BANK1: variants seen among roughly 807,000 people sequenced by gnomAD.
BANK1 encodes B-cell scaffold protein with ankyrin repeats.
A neutral mutation model predicts 94.5 loss-of-function variants in BANK1; 95 were observed. The observed-to-expected ratio is 1.00, with a 90% CI of 0.85 to 1.19. The LOEUF is 1.19. BANK1 is among the 50% of genes most tolerant of loss of function. The pLI, the probability that BANK1 is intolerant of heterozygous loss-of-function variation, is 0.00. For missense variants in BANK1, 987 were observed against 932.2 expected (o/e 1.06, Z -0.77); for synonymous variants, 334 against 308.4 (o/e 1.08, Z -0.87).
intron 6 of BANK1, among the ~76,000 whole-genome samples, chr4:101,915,920 G>T (rs1237436850): frequency 6.6e-6 from 1 of 151,980 alleles, no homozygotes; most frequent in Non-Finnish European, 1.5e-5. Flanking sequence ...CTGTCAGAGA[G>T]CAAAAGGTTT....
At chr4:102,065,953 G>GTAAT (rs1357526422) in intron 13 of BANK1, among the ~76,000 whole-genome samples, 1 of 152,046 alleles carries the variant, frequency 6.6e-6, no homozygotes, top group African/African-American at 2.4e-5. Context: ...TAAAATGCAT[G>GTAAT]TAATTAGAAC....
intron 6 of BANK1, among the ~76,000 whole-genome samples, chr4:101,903,854 G>A (rs1434468145): frequency 6.6e-6 from 1 of 152,198 alleles, no homozygotes; most frequent in East Asian, 1.9e-4. Flanking sequence ...GTAAGGAGTA[G>A]CAGTCTCAAT....
intron 5 of BANK1, among the ~76,000 whole-genome samples, chr4:101,883,557 C>A (rs1728749838): frequency 6.6e-6 from 1 of 151,760 alleles, no homozygotes; most frequent in African/African-American, 2.4e-5. Context: ...TTTATTTATC[C>A]CAAACTAAAG....
intron 7 of BANK1, among the ~76,000 whole-genome samples, chr4:101,936,192 T>C (rs1413755680): frequency 6.8e-6 from 1 of 147,358 alleles, no homozygotes; most frequent in African/African-American, 2.5e-5. Flanking sequence ...ATATGATATA[T>C]ATATTTTTTA....
intron 7 of BANK1, among the ~76,000 whole-genome samples, chr4:101,964,755 A>G (rs183598219): frequency 1.3e-5 from 2 of 152,054 alleles, no homozygotes; most frequent in African/African-American, 4.8e-5. Flanking sequence ...AATTAAAGAG[A>G]AGTATTCTTT....
Position 102,025,184 on chromosome 4 carries a change from A to AT in BANK1, c.1286-16dup, listed in dbSNP as rs749341429. 6.2e-7 allele frequency: 1 copy of AT among 1,609,864 alleles called. No individual in the cohort carries two copies. The highest frequency in any genetic ancestry group is 1.7e-5 in the Admixed American group (1 of 59,844). On this transcript the variant is annotated splice_polypyrimidine_tract_variant and intron_variant, in intron 8 of 16. Coordinates refer to ENST00000322953, the MANE Select transcript of BANK1 (RefSeq NM_017935.5). Reference sequence around the variant, plus strand: ...TGGTGTGTTTAAATGAAATCATGCAATCTTCATCATAAACAGCCACACAGA... The same window carrying AT: ...TGGTGTGTTTAAATGAAATCATGCAATTCTTCATCATAAACAGCCACACAGA...
At chr4:101,911,942 C>A (rs1444080169) in intron 6 of BANK1, among the ~76,000 whole-genome samples, 4 of 152,056 alleles carry the variant, frequency 2.6e-5, no homozygotes, top group African/African-American at 9.7e-5. Flanking sequence ...GGAAAAGAAA[C>A]ATAAATAGTA....
intron 7 of BANK1, among the ~76,000 whole-genome samples, chr4:101,943,678 C>T (rs1367372924): frequency 6.6e-6 from 1 of 151,654 alleles, no homozygotes; most frequent in Non-Finnish European, 1.5e-5. Context: ...TTCTGGGCTG[C>T]AAGTAGAGGT....
chr4:101,817,692 T>C (rs985918745), intron 1 of BANK1, among the ~76,000 whole-genome samples: 8 of 137,470 alleles, frequency 5.8e-5, no homozygotes, highest in Non-Finnish European at 1.3e-4. Flanking sequence ...AACTTAAAAG[T>C]TGGAAATAAA....
intron 7 of BANK1, among the ~76,000 whole-genome samples, chr4:101,926,265 TCAA>T (rs2148903372): frequency 6.6e-6 from 1 of 151,636 alleles, no homozygotes; most frequent in East Asian, 1.9e-4. Flanking sequence ...GCTCTGAGCC[TCAA>T]CAATATATTT....
At chr4:101,865,513 C>G (rs1006272734) in intron 4 of BANK1, among the ~76,000 whole-genome samples, 2 of 152,022 alleles carry the variant, frequency 1.3e-5, no homozygotes, top group Non-Finnish European at 2.9e-5. Context: ...AGCATGTTCT[C>G]CATAGCACAG....
intron 7 of BANK1, among the ~76,000 whole-genome samples, chr4:101,928,546 GT>G (rs1723237956): frequency 6.6e-6 from 1 of 151,704 alleles, no homozygotes; most frequent in African/African-American, 2.4e-5. Context: ...CTTTGTTAGT[GT>G]TTAATTTTCT....
In BANK1 at chr4:102,063,143, G is replaced by A. The variant is rs1337273644; in HGVS notation, c.2212+5G>A. On this transcript the variant is annotated splice_donor_5th_base_variant and intron_variant, in intron 13 of 16. Transcript: ENST00000322953. ...CAGAAGAAGAAAATGTCTATAGTAA[G>A]TAAGATTCGCCTGCTATTCAAAAAT... 1 of 1,609,124 alleles carries A rather than the reference G, an allele frequency of 6.2e-7. No individual in the cohort carries two copies. The highest frequency in any genetic ancestry group is 8.5e-7 in the Non-Finnish European group (1 of 1,175,704).
At chr4:101,940,252 A>G (rs971960246) in intron 7 of BANK1, among the ~76,000 whole-genome samples, 1 of 151,272 alleles carries the variant, frequency 6.6e-6, no homozygotes, top group Non-Finnish European at 1.5e-5. Context: ...CTAAGCAGGA[A>G]AAAAAAAACA....
chr4:101,862,201 A>G (rs886811676), intron 3 of BANK1, among the ~76,000 whole-genome samples: 5 of 152,102 alleles, frequency 3.3e-5, no homozygotes, highest in Non-Finnish European at 7.4e-5. Flanking sequence ...CTGCGAAATG[A>G]TGCTTATACC....
chr4:101,870,641 C>T lies in BANK1; in HGVS notation c.900C>T (p.Cys300=), dbSNP rs767686844. The T allele has an allele frequency of 1.2e-6, 2 of 1,608,216 alleles. No homozygotes were observed. The highest frequency in any genetic ancestry group is 1.7e-5 in the Admixed American group (1 of 58,852). The change falls in exon 5 of 17, where the codon TGC becomes TGT. Residue 300 remains cysteine (C), a synonymous_variant. Coordinates refer to ENST00000322953, the MANE Select transcript of BANK1 (RefSeq NM_017935.5). ...TGGCAGATTCAGGAGAGAGTTTGTG[C>T]CAGGTAAGTTAATCTTTCCACGAAG... The part of the protein sequence containing the change: ...FRMADSGESL[C]QNSIEELDGV...
At chr4:101,837,450 G>A (rs539484140) in intron 2 of BANK1, among the ~76,000 whole-genome samples, 1 of 152,216 alleles carries the variant, frequency 6.6e-6, no homozygotes, top group African/African-American at 2.4e-5. Context: ...ATTGAGTTCA[G>A]GTATCTGATA....
chr4:102,013,864 A>G (rs772879084), intron 7 of BANK1, among the ~76,000 whole-genome samples: 1 of 152,064 alleles, frequency 6.6e-6, no homozygotes, highest in Admixed American at 6.6e-5. Context: ...TTTTTAACAA[A>G]ACGACAATTT....
intron 1 of BANK1, among the ~76,000 whole-genome samples, chr4:101,827,605 C>T (rs755018557): frequency 4.0e-5 from 6 of 151,838 alleles, no homozygotes; most frequent in South Asian, 2.1e-4. Flanking sequence ...TCTATATGTA[C>T]GTGTATTCAA....
Sources: gnomAD v4.1 joint callset for allele counts (sites outside exome capture counted in the v4.1 genomes callset) on GRCh38, gnomAD v4.1.1 for gene constraint, MANE v1.5 for transcripts, NCBI Gene and HGNC (gene_info 2026-07-23, HGNC 2026-07-21) for gene names.